The following PPM1E variants were observed in gnomAD, a reference collection of about 807,000 sequenced individuals.
PPM1E encodes the protein protein phosphatase 1E.
PPM1E carries 20 observed loss-of-function variants against 65.9 expected under a neutral mutation model. That is an observed-to-expected ratio of 0.30 (90% CI 0.21 to 0.44). The LOEUF is 0.44. Among genes scored for constraint, PPM1E ranks in the 20% least tolerant of loss-of-function variants. The pLI, the probability that PPM1E is intolerant of heterozygous loss-of-function variation, is 1.00. For missense variants in PPM1E, 713 were observed against 953.1 expected, an observed-to-expected ratio of 0.75 and a Z score of 3.32; for synonymous variants, 352 against 374.9, an observed-to-expected ratio of 0.94 and a Z score of 0.70.
intron 1 of PPM1E, among the ~76,000 whole-genome samples, chr17:58,910,879 G>C (rs2051619294): frequency 6.6e-6 from 1 of 152,140 alleles, no homozygotes; most frequent in East Asian, 1.9e-4. Context: ...TTATTAAGAA[G>C]AAGAGGGTGC....
intron 1 of PPM1E, among the ~76,000 whole-genome samples, chr17:58,888,902 A>G (rs1033524492): frequency 2.0e-5 from 3 of 152,216 alleles, no homozygotes; most frequent in African/African-American, 7.2e-5. Context: ...TATGAATTTA[A>G]AATTTAACAT....
intron 1 of PPM1E, among the ~76,000 whole-genome samples, chr17:58,943,941 C>T (rs968142198): frequency 6.6e-6 from 1 of 152,152 alleles, no homozygotes; most frequent in African/African-American, 2.4e-5. Flanking sequence ...TGTCTCAAAT[C>T]ATTAAATGGG....
intron 1 of PPM1E, among the ~76,000 whole-genome samples, chr17:58,835,344 CAAATAAAGTA>C (rs1567848400): frequency 1.7e-4 from 26 of 152,078 alleles, no homozygotes. Flanking sequence ...GACCCTGTCT[CAAATAAAGTA>C]AAATAAAATT....
chr17:58,982,843 C>T lies in PPM1E; in HGVS notation c.*1812C>T. ...TCTGAGGCTTTGCCCCACACATGGT[C>T]CTCACTCATATCTGTCACCTTCTGA... On this transcript the variant is annotated 3_prime_UTR_variant, in exon 7 of 7. Transcript: ENST00000308249. 6.9e-7 allele frequency: 1 copy of T among 1,451,210 alleles called. No individual in the cohort carries two copies. 89.9% of individuals were successfully genotyped at this position (1,451,210 alleles called of 1,614,324 possible).
chr17:58,923,911 CTTTTTTTTT>C lies in PPM1E; in HGVS notation c.465-31722_465-31714del, dbSNP rs751578623. Among the ~76,000 whole-genome samples, 49 of 64,816 alleles carry C rather than the reference CTTTTTTTTT, an allele frequency of 7.6e-4. 1 individual carries two copies. The highest frequency in any genetic ancestry group is 1.1e-3 in the African/African-American group (17 of 15,488). The allele number at this position is 64,816 out of a possible 152,430, so 42.5% of individuals were successfully genotyped here. On this transcript the variant is annotated intron_variant, in intron 1 of 6. Transcript: ENST00000308249. ...CCTGGGCAACAGAGAAAGACCCCCT[CTTTTTTTTT>C]TTTTTTTTTTTTTTTGAGACAGAAT... is the stretch of plus-strand genomic sequence containing the variant.
intron 1 of PPM1E, among the ~76,000 whole-genome samples, chr17:58,795,538 A>C (rs1416651674): frequency 6.6e-6 from 1 of 152,088 alleles, no homozygotes; most frequent in Non-Finnish European, 1.5e-5. Context: ...CCCTGTCTCT[A>C]CAAAAAAATC....
In PPM1E at chr17:58,983,613, TAGAC is replaced by T. The variant is rs898139653; in HGVS notation, c.*2586_*2589del. On this transcript the variant is annotated 3_prime_UTR_variant, in exon 7 of 7. Transcript: ENST00000308249. ...GTGTACCTGGTGATTGTAAAAATAT[TAGAC>T]AGATATAAAAGTATCTATATAATAT... is the stretch of plus-strand genomic sequence containing the variant. The T allele has an allele frequency of 2.0e-5, 3 of 152,634 alleles. No individual in the cohort carries two copies. The highest frequency in any genetic ancestry group is 7.2e-5 in the African/African-American group (3 of 41,450). 9.5% of individuals were successfully genotyped at this position (152,634 alleles called of 1,614,324 possible).
intron 1 of PPM1E, among the ~76,000 whole-genome samples, chr17:58,941,044 C>A (rs1323046044): frequency 6.6e-6 from 1 of 152,084 alleles, no homozygotes; most frequent in African/African-American, 2.4e-5. Flanking sequence ...AAAAAACAAC[C>A]CAGTAAATTC....
Position 58,805,949 on chromosome 17 carries a change from T to TAAAAAAAAAAAAAAAAAAAAAAAAA in PPM1E, c.464+49499_464+49500insAAAAAAAAAAAAAAAAAAAAAAAAA, listed in dbSNP as rs1163979989. 6.5e-4 allele frequency among the ~76,000 whole-genome samples: 14 copies of TAAAAAAAAAAAAAAAAAAAAAAAAA among 21,660 alleles called. 2 individuals carry two copies. Among genetic ancestry groups the TAAAAAAAAAAAAAAAAAAAAAAAAA allele is most frequent in the African/African-American group, 1.2e-3 (6 of 4,854 alleles). The allele number at this position is 21,660 out of a possible 152,430, so 14.2% of individuals were successfully genotyped here. On this transcript the variant is annotated intron_variant, in intron 1 of 6. Coordinates refer to ENST00000308249, the MANE Select transcript of PPM1E (RefSeq NM_014906.5). ...TAATAGGAGGTTCAGGCTGTTCTGC[T>TAAAAAAAAAAAAAAAAAAAAAAAAA]AAAAAAAAAAACAAAAAAAAAAAAC...
rs180789988 is a variant in PPM1E, at chr17:58,922,057, A to G, written c.465-33592A>G. 4.2e-3 allele frequency among the ~76,000 whole-genome samples: 597 copies of G among 142,964 alleles called. 5 individuals carry two copies. Among genetic ancestry groups the G allele is most frequent in the African/African-American group, 0.016 (554 of 35,740 alleles). 93.8% of individuals were successfully genotyped at this position (142,964 alleles called of 152,430 possible). A position where few individuals can be genotyped will look rare whatever the true frequency, so the allele number is the denominator to read the frequency against. On this transcript the variant is annotated intron_variant, in intron 1 of 6. Transcript: ENST00000308249. The stretch of plus-strand genomic sequence containing the variant: ...TCCATCTCAAAAAGAAAAAAAAAAG[A>G]AAAAAAAAAAGTGTATGGGTACAGA...
chr17:58,756,094 C>G lies in PPM1E; in HGVS notation c.97C>G (p.Pro33Ala), dbSNP rs548518068. 1 of 1,596,204 alleles carries G rather than the reference C, an allele frequency of 6.3e-7. No homozygotes were observed. The highest frequency in any genetic ancestry group is 8.5e-7 in the Non-Finnish European group (1 of 1,174,286). ...RGPCGGGEPE[P>A]EPEPEPEPEP... ...ACCGTGCGGCGGCGGCGAGCCGGAG[C>G]CGGAACCCGAACCCGAACCCGAACC... Residue 33 changes from proline (P) to alanine (A), a missense_variant, in exon 1 of 7, where the codon CCG (proline) becomes GCG (alanine). Around this residue, in one of 6 missense-constraint regions of PPM1E, gnomAD observed 212 missense variants for 204.0 expected, o/e 1.04. Coordinates refer to ENST00000308249, the MANE Select transcript of PPM1E (RefSeq NM_014906.5).
intron 1 of PPM1E, among the ~76,000 whole-genome samples, chr17:58,863,481 G>A (rs2050964635): frequency 6.6e-6 from 1 of 152,226 alleles, no homozygotes; most frequent in Non-Finnish European, 1.5e-5. Context: ...TCTGGAGGGA[G>A]TGCCGGCTAC....
intron 2 of PPM1E, among the ~76,000 whole-genome samples, chr17:58,964,087 G>C (rs976232707): frequency 6.6e-6 from 1 of 152,122 alleles, no homozygotes; most frequent in African/African-American, 2.4e-5. Flanking sequence ...ATCAAGTTGG[G>C]AGTCCACGTC....
At chr17:58,766,789 G>A (rs1198593321) in intron 1 of PPM1E, among the ~76,000 whole-genome samples, 2 of 152,108 alleles carry the variant, frequency 1.3e-5, no homozygotes, top group Middle Eastern at 3.2e-3. Context: ...CTTAAGTTCT[G>A]AGATTTGATT....
At chr17:58,831,963 G>A (rs1362000184) in intron 1 of PPM1E, among the ~76,000 whole-genome samples, 1 of 152,132 alleles carries the variant, frequency 6.6e-6, no homozygotes, top group African/African-American at 2.4e-5. Flanking sequence ...TCTGTGATAG[G>A]CACTGTGTTC....
At chr17:58,821,754 A>G (rs1473335231) in intron 1 of PPM1E, among the ~76,000 whole-genome samples, 2 of 152,204 alleles carry the variant, frequency 1.3e-5, no homozygotes, top group Admixed American at 1.3e-4. Flanking sequence ...TTGAGACTCC[A>G]GGGGTTGGAG....
chr17:58,811,686 T>C (rs2050369372), intron 1 of PPM1E, among the ~76,000 whole-genome samples: 1 of 152,188 alleles, frequency 6.6e-6, no homozygotes, highest in Non-Finnish European at 1.5e-5. Context: ...TTTCTTTTTT[T>C]TTTGAGACAG....
At chr17:58,905,137 A>T (rs1212016110) in intron 1 of PPM1E, among the ~76,000 whole-genome samples, 3 of 152,170 alleles carry the variant, frequency 2.0e-5, no homozygotes, top group Non-Finnish European at 4.4e-5. Context: ...CTACATAGTT[A>T]TGTTAGTTTT....
At chr17:58,779,816 A>G (rs1364732929) in intron 1 of PPM1E, among the ~76,000 whole-genome samples, 1 of 152,160 alleles carries the variant, frequency 6.6e-6, no homozygotes, top group African/African-American at 2.4e-5. Flanking sequence ...GTCAATATCT[A>G]TCTTTACACA....
Sources: allele counts gnomAD v4.1 joint callset (sites outside exome capture counted in the v4.1 genomes callset), GRCh38; gene constraint gnomAD v4.1.1; regional missense constraint gnomAD v4.1.1; transcripts MANE v1.5; gene names NCBI Gene and HGNC (gene_info 2026-07-23, HGNC 2026-07-21).